MACROD2: variants seen among roughly 807,000 people sequenced by gnomAD.
The protein encoded by MACROD2 is ADP-ribose glycohydrolase MACROD2.
A neutral mutation model predicts 70.4 loss-of-function variants in MACROD2; 36 were observed. The ratio of observed to expected loss-of-function variants is 0.51; its 90% CI spans 0.39 to 0.68. The LOEUF is 0.68. MACROD2 is among the 30% of genes least tolerant of loss of function. The pLI is 0.00. For missense variants in MACROD2, 496 were observed against 538.4 expected, an observed-to-expected ratio of 0.92 and a Z score of 0.78; for synonymous variants, 172 against 178.8, an observed-to-expected ratio of 0.96 and a Z score of 0.30.
intron 3 of MACROD2, among the ~76,000 whole-genome samples, chr20:14,452,934 C>T (rs1253452912): frequency 1.3e-5 from 2 of 152,200 alleles, no homozygotes; most frequent in Non-Finnish European, 2.9e-5. Flanking sequence ...TTTCCACTTA[C>T]GGTTGCTGCA....
chr20:15,625,963 A>G (rs2049196908), intron 8 of MACROD2, among the ~76,000 whole-genome samples: 2 of 148,636 alleles, frequency 1.3e-5, no homozygotes, highest in Middle Eastern at 3.5e-3. Flanking sequence ...ATCCCAGGGA[A>G]CAGAAAATCC....
chr20:14,236,106 T>A (rs1448666861), intron 3 of MACROD2, among the ~76,000 whole-genome samples: 1 of 152,158 alleles, frequency 6.6e-6, no homozygotes, highest in Non-Finnish European at 1.5e-5. Flanking sequence ...ATTCATATTA[T>A]ATGTTTTTTT....
intron 4 of MACROD2, among the ~76,000 whole-genome samples, chr20:14,581,835 C>A (rs1418830709): frequency 1.3e-5 from 2 of 152,164 alleles, no homozygotes; most frequent in Non-Finnish European, 2.9e-5. Flanking sequence ...GGCTACTGCT[C>A]TTGGGAGTCA....
chr20:14,841,991 A>G (rs999505055), intron 5 of MACROD2, among the ~76,000 whole-genome samples: 3 of 151,836 alleles, frequency 2.0e-5, no homozygotes, highest in Non-Finnish European at 4.4e-5. Flanking sequence ...GAATACCACC[A>G]ACTAGGTAAC....
Position 14,180,832 on chromosome 20 carries a change from A to G in MACROD2, c.271+95104A>G, listed in dbSNP as rs143750587. On this transcript the variant is annotated intron_variant, in intron 3 of 17. Coordinates refer to ENST00000684519, the MANE Select transcript of MACROD2 (RefSeq NM_001351661.2). ...CAAATATTAGACATTGTGCAAAGAAATTACAATACAAATCAAGTGTCTTGT... is the reference window on the plus strand; with the variant it reads ...CAAATATTAGACATTGTGCAAAGAAGTTACAATACAAATCAAGTGTCTTGT... Among the ~76,000 whole-genome samples, 14 of 152,250 alleles carry G rather than the reference A, an allele frequency of 9.2e-5. No homozygotes were observed. In the East Asian group the frequency reaches 2.7e-3, roughly 29 times the overall value.
chr20:15,469,320 G>T (rs2046935122), intron 7 of MACROD2, among the ~76,000 whole-genome samples: 1 of 152,170 alleles, frequency 6.6e-6, no homozygotes, highest in Non-Finnish European at 1.5e-5. Flanking sequence ...GAATTCATTT[G>T]CAGGAAGAAA....
At chr20:15,062,966 G>C (rs1413483239) in intron 5 of MACROD2, among the ~76,000 whole-genome samples, 1 of 152,216 alleles carries the variant, frequency 6.6e-6, no homozygotes, top group Non-Finnish European at 1.5e-5. Flanking sequence ...TCTGTCTGCA[G>C]ATGGGATTTG....
chr20:14,781,498 A>AT (rs1205453755), intron 5 of MACROD2, among the ~76,000 whole-genome samples: 1 of 144,140 alleles, frequency 6.9e-6, no homozygotes, highest in Non-Finnish European at 1.5e-5. Context: ...TATGGACCAT[A>AT]TAACACAGAG....
At chr20:15,184,307 A>G (rs1042613840) in intron 5 of MACROD2, among the ~76,000 whole-genome samples, 1 of 152,154 alleles carries the variant, frequency 6.6e-6, no homozygotes, top group Non-Finnish European at 1.5e-5. Flanking sequence ...TTGTAAATCT[A>G]ACTCATGTCA....
chr20:14,969,272 G>A (rs549123207), intron 5 of MACROD2, among the ~76,000 whole-genome samples: 32 of 151,538 alleles, frequency 2.1e-4, no homozygotes, highest in Admixed American at 4.6e-4. Context: ...ATGATCTGGT[G>A]GCCTTTTGTT....
chr20:14,588,492 T>C (rs894905404), intron 4 of MACROD2, among the ~76,000 whole-genome samples: 2 of 152,278 alleles, frequency 1.3e-5, no homozygotes, highest in African/African-American at 2.4e-5. Context: ...TCTGGCTTTG[T>C]AGTTTTTCTT....
rs79401368 is a variant in MACROD2, at chr20:14,559,640, C to A, written c.301+66132C>A. Among the ~76,000 whole-genome samples, 6 of 151,884 alleles carry A rather than the reference C, an allele frequency of 4.0e-5. 1 individual carries two copies. The East Asian group carries it at 1.2e-3, about 30-fold the overall frequency. ...TATAACTTACTGATACTAAAATGTT[C>A]AAAGCTTATAGTATTTTTATGTTCT... is the stretch of plus-strand genomic sequence containing the variant. On this transcript the variant is annotated intron_variant, in intron 4 of 17. Transcript: ENST00000684519.
chr20:15,708,863 A>G (rs565805647), intron 8 of MACROD2, among the ~76,000 whole-genome samples: 3 of 152,148 alleles, frequency 2.0e-5, no homozygotes, highest in African/African-American at 7.2e-5. Context: ...CATCTCTACA[A>G]ATAAATAAAT....
intron 8 of MACROD2, among the ~76,000 whole-genome samples, chr20:15,668,215 G>C (rs543535690): frequency 1.3e-5 from 2 of 151,264 alleles, no homozygotes; most frequent in Non-Finnish European, 2.9e-5. Flanking sequence ...AGCCAAGATT[G>C]TGCCATTGCA....
At chr20:15,834,034 A>G (rs948258558) in intron 8 of MACROD2, among the ~76,000 whole-genome samples, 2 of 152,334 alleles carry the variant, frequency 1.3e-5, no homozygotes, top group South Asian at 4.1e-4. Flanking sequence ...ATAGGATTGG[A>G]ATTAGATTAT....
chr20:15,302,369 C>CAT (rs2077653964), intron 6 of MACROD2, among the ~76,000 whole-genome samples: 1 of 62,560 alleles, frequency 1.6e-5, no homozygotes, highest in Admixed American at 1.7e-4. Flanking sequence ...AATACACACA[C>CAT]ACACACACAC....
chr20:15,445,516 T>C (rs1481652427), intron 7 of MACROD2, among the ~76,000 whole-genome samples: 1 of 152,144 alleles, frequency 6.6e-6, no homozygotes, highest in East Asian at 1.9e-4. Flanking sequence ...AGTTATGTGT[T>C]GTAAGACAGC....
chr20:14,975,315 G>A (rs1468985836), intron 5 of MACROD2, among the ~76,000 whole-genome samples: 2 of 152,102 alleles, frequency 1.3e-5, no homozygotes, highest in African/African-American at 2.4e-5. Flanking sequence ...AGTGGTTGAC[G>A]TGGTTGCAGC....
intron 8 of MACROD2, among the ~76,000 whole-genome samples, chr20:15,533,233 A>G (rs892313041): frequency 6.6e-6 from 1 of 152,218 alleles, no homozygotes; most frequent in Non-Finnish European, 1.5e-5. Context: ...TAAAAGTTTA[A>G]TGCCAGAATA....
Sources: gnomAD v4.1 joint callset for allele counts (sites outside exome capture counted in the v4.1 genomes callset) on GRCh38, gnomAD v4.1.1 for gene constraint, MANE v1.5 for transcripts, NCBI Gene and HGNC (gene_info 2026-07-23, HGNC 2026-07-21) for gene names.